Variants in HPS4 observed in about 807,000 individuals in gnomAD.
HPS4 encodes BLOC-3 complex member HPS4.
In HPS4, 44 loss-of-function variants were observed where a neutral mutation model predicts 70.3. The ratio of observed to expected loss-of-function variants is 0.63; its 90% CI spans 0.49 to 0.80. The LOEUF is 0.80. HPS4 is among the 30% of genes least tolerant of loss of function. The probability of loss-of-function intolerance (pLI) is 0.00; values close to 1 mark genes in which losing one functional copy is unlikely to be tolerated. For missense variants in HPS4, 873 were observed against 884.4 expected, an observed-to-expected ratio of 0.99 and a Z score of 0.16; for synonymous variants, 377 against 355.9, an observed-to-expected ratio of 1.06 and a Z score of -0.67.
In HPS4 at chr22:26,464,360, T is replaced by G. The variant is rs777094703; in HGVS notation, c.1270A>C (p.Ser424Arg). ...TCAGGAGCAGAGGGAGGGCGCAAGC[T>G]GCTGATGGCTGTGTCCTCAGGAGGC... ...PTPPEDTAIS[S>R]LRPPSAPEML... The change falls in exon 11 of 14, where the codon AGC becomes CGC. Residue 424 changes from serine (S) to arginine (R), a missense_variant. By Grantham distance (110) the Ser-to-Arg change is moderately radical (BLOSUM62 -1). Transcript: ENST00000398145. 8 of 1,614,190 alleles carry G rather than the reference T, an allele frequency of 5.0e-6. No individual in the cohort carries two copies. Among genetic ancestry groups the G allele is most frequent in the Non-Finnish European group, 6.8e-6 (8 of 1,180,048 alleles).
intron 11 of HPS4, among the ~76,000 whole-genome samples, chr22:26,463,695 A>G (rs1038980874): frequency 6.6e-6 from 1 of 152,196 alleles, no homozygotes; most frequent in Non-Finnish European, 1.5e-5. Flanking sequence ...TTGGATGCCA[A>G]TGCACCACCA....
Position 26,464,353 on chromosome 22 carries a change from C to T in HPS4, c.1277G>A (p.Arg426His), listed in dbSNP as rs747080557. The change falls in exon 11 of 14, where the codon CGC becomes CAC. Residue 426 changes from arginine (R) to histidine (H), a missense_variant. Physicochemically the swap from Arg to His is conservative, Grantham distance 29. Transcript: ENST00000398145. ...CAGCATCTCAGGAGCAGAGGGAGGG[C>T]GCAAGCTGCTGATGGCTGTGTCCTC... Reference protein sequence around the residue: ...PPEDTAISSLRPPSAPEMLTQ... With the variant: ...PPEDTAISSLHPPSAPEMLTQ... 4.3e-6 allele frequency: 7 copies of T among 1,614,020 alleles called. No homozygotes were observed. The South Asian group carries it at 6.6e-5, about 15-fold the overall frequency.
At chr22:26,478,836 A>C (rs1320624276) in intron 3 of HPS4, among the ~76,000 whole-genome samples, 1 of 152,008 alleles carries the variant, frequency 6.6e-6, no homozygotes, top group Non-Finnish European at 1.5e-5. Context: ...GGAGCGTGCC[A>C]CCACGCCCAG....
chr22:26,464,529 G>C lies in HPS4; in HGVS notation c.1101C>G (p.Leu367=). Residue 367 remains leucine (L), a synonymous_variant, in exon 11 of 14, where the codon CTC becomes CTG. Coordinates refer to ENST00000398145, the MANE Select transcript of HPS4 (RefSeq NM_022081.6). ...CTGGAATGTGGATTTCAGACAAGTC[G>C]AGTTCTTCTTGGAGAAAGACTAGTT... ...GKELVFLQEE[L]DLSEIHIPEA... 2.5e-6 allele frequency: 4 copies of C among 1,614,170 alleles called. No homozygotes were observed. The highest frequency in any genetic ancestry group is 2.5e-6 in the Non-Finnish European group (3 of 1,180,032).
Position 26,477,215 on chromosome 22 carries a change from C to A in HPS4, c.133-79G>T, listed in dbSNP as rs1248973856. On this transcript the variant is annotated intron_variant, in intron 3 of 13. Transcript: ENST00000398145. Reference sequence around the variant, plus strand: ...GTCATTTCTTACAGCATACTAAAGCCTGCAAGCCAAATCCAGTCTGTTACC... The same window carrying A: ...GTCATTTCTTACAGCATACTAAAGCATGCAAGCCAAATCCAGTCTGTTACC... The A allele has an allele frequency of 4.0e-6, 6 of 1,495,384 alleles. No homozygotes were observed. In the African/African-American group the frequency reaches 8.3e-5, roughly 21 times the overall value. The allele number at this position is 1,495,384 out of a possible 1,614,324, so 92.6% of individuals were successfully genotyped here.
Position 26,464,724 on chromosome 22 carries a change from T to C in HPS4, c.906A>G (p.Glu302=), listed in dbSNP as rs1417762575. 10 of 1,600,368 alleles carry C rather than the reference T, an allele frequency of 6.2e-6. No individual in the cohort carries two copies. In the South Asian group the frequency reaches 7.8e-5, roughly 13 times the overall value. Residue 302 remains glutamate, a synonymous_variant, in exon 11 of 14, where the codon GAA becomes GAG. Coordinates refer to ENST00000398145, the MANE Select transcript of HPS4 (RefSeq NM_022081.6). ...ALKENATGHV[E]SMAWTTPDPT... is the part of the protein sequence containing the mutation. ...GATCTGGGGTGGTCCAGGCCATGGA[T>C]TCCACATGGCCAGTGGCGTTTTCTT...
chr22:26,457,231 T>A (rs2146338439), intron 13 of HPS4, among the ~76,000 whole-genome samples: 1 of 150,078 alleles, frequency 6.7e-6, no homozygotes, highest in East Asian at 2.0e-4. Flanking sequence ...TTTTTTTTTT[T>A]TCTGAGACGC....
downstream of HPS4, among the ~76,000 whole-genome samples, chr22:26,447,549 C>T (rs1601723201): frequency 1.3e-5 from 2 of 152,212 alleles, no homozygotes; most frequent in South Asian, 4.2e-4. Flanking sequence ...GCTCCATACA[C>T]ATTGTCAGGA....
At position 26,468,268 on chromosome 22, in the gene HPS4, A is replaced by T. The variant is rs138949404; in HGVS notation, c.669+283T>A. ...CTGAAAAGTCTAACATCTCTTTGAC[A>T]TAAAGAGACATCAAATTCTTATGGG... On this transcript the variant is annotated intron_variant, in intron 8 of 13. Coordinates refer to ENST00000398145, the MANE Select transcript of HPS4 (RefSeq NM_022081.6). 104 of 473,644 alleles carry T rather than the reference A, an allele frequency of 2.2e-4. 3 individuals carry two copies. The East Asian group carries it at 4.2e-3, about 19-fold the overall frequency. The allele number at this position is 473,644 out of a possible 1,614,324, so 29.3% of individuals were successfully genotyped here. A position where few individuals can be genotyped will look rare whatever the true frequency, so the allele number is the denominator to read the frequency against.
chr22:26,454,295 T>C (rs2085697566), intron 13 of HPS4, among the ~76,000 whole-genome samples: 1 of 152,248 alleles, frequency 6.6e-6, no homozygotes. Flanking sequence ...CAGATGGTTA[T>C]GAGCATGGAT....
intron 11 of HPS4, among the ~76,000 whole-genome samples, chr22:26,463,213 C>T (rs950974484): frequency 1.3e-5 from 2 of 152,104 alleles, no homozygotes; most frequent in African/African-American, 2.4e-5. Flanking sequence ...AGCCTCTAAG[C>T]GGGGAAGGGG....
At chr22:26,460,946 A>G (rs1337134030) in intron 11 of HPS4, among the ~76,000 whole-genome samples, 1 of 152,262 alleles carries the variant, frequency 6.6e-6, no homozygotes, top group African/African-American at 2.4e-5. Context: ...TTTGTACTGC[A>G]ACAGCAGAGC....
Position 26,464,305 on chromosome 22 carries a change from T to A in HPS4, c.1325A>T (p.Gln442Leu), listed in dbSNP as rs751013277. 1.9e-6 allele frequency: 3 copies of A among 1,614,106 alleles called. No homozygotes were observed. The Admixed American group carries it at 5.0e-5, about 27-fold the overall frequency. The change falls in exon 11 of 14, where the codon CAG (glutamine) becomes CTG (leucine). Residue 442 changes from glutamine (Q) to leucine (L), a missense_variant. Transcript: ENST00000398145. ...EMLTQHGAQE[Q>L]LEDHPGHSSQ... ...GCTATGGCCAGGATGGTCTTCGAGC[T>A]GCTCTTGGGCTCCATGCTGGGTCAG...
At chr22:26,457,342 G>A (rs1333168018) in intron 13 of HPS4, among the ~76,000 whole-genome samples, 3 of 150,984 alleles carry the variant, frequency 2.0e-5, no homozygotes, top group Admixed American at 6.6e-5. Flanking sequence ...TCAGCCTCCT[G>A]AGTAGCTGGG....
At chr22:26,462,817 A>G (rs1403934477) in intron 11 of HPS4, among the ~76,000 whole-genome samples, 1 of 152,146 alleles carries the variant, frequency 6.6e-6, no homozygotes, top group Non-Finnish European at 1.5e-5. Context: ...GCTATGGTGA[A>G]TGGGGATACA....
At chr22:26,457,210 C>CTT (rs1555889771) in intron 13 of HPS4, among the ~76,000 whole-genome samples, 3 of 25,580 alleles carry the variant, frequency 1.2e-4, no homozygotes, top group Non-Finnish European at 2.6e-4. Context: ...GCACGTATTA[C>CTT]TTTTTTTTTT....
At chr22:26,481,643 G>T (rs77795764) in intron 2 of HPS4, 79 bp downstream of exon 2, 22 of 1,295,092 alleles carry the variant, frequency 1.7e-5, no homozygotes, top group Admixed American at 1.7e-4. Flanking sequence ...ACACAATCTG[G>T]CTGGGGATTT....
In HPS4 at chr22:26,451,492, A is replaced by C. The variant is rs949561812; in HGVS notation, c.*1741T>G. The C allele has an allele frequency of 6.6e-6, 1 of 152,196 alleles. No homozygotes were observed. The highest frequency in any genetic ancestry group is 2.4e-5 in the African/African-American group (1 of 41,440). The allele number at this position is 152,196 out of a possible 1,614,324, so 9.4% of individuals were successfully genotyped here. ...CACACCTGCAAAGTGAAGTTTCAGG[A>C]CTTTACTTTTTCTGAGTTAATCCAG... On this transcript the variant is annotated 3_prime_UTR_variant, in exon 14 of 14. Coordinates refer to ENST00000398145, the MANE Select transcript of HPS4 (RefSeq NM_022081.6).
rs1355772426 is a variant in HPS4 at position 26,483,721 on chromosome 22, G to A, written c.-526C>T. On this transcript the variant is annotated 5_prime_UTR_variant, in exon 1 of 14. Coordinates refer to ENST00000398145, the MANE Select transcript of HPS4 (RefSeq NM_022081.6). ...GCTCGGGGTTCGGGACTCTGGACCA[G>A]AAATGTGGGCAGCAGCTGGGTACCT... is the stretch of plus-strand genomic sequence containing the variant. 6 of 437,792 alleles carry A rather than the reference G, an allele frequency of 1.4e-5. No homozygotes were observed. Among genetic ancestry groups the A allele is most frequent in the Non-Finnish European group, 2.3e-5 (6 of 260,656 alleles). 27.1% of individuals were successfully genotyped at this position (437,792 alleles called of 1,614,324 possible).
Sources: allele counts gnomAD v4.1 joint callset (sites outside exome capture counted in the v4.1 genomes callset), GRCh38; gene constraint gnomAD v4.1.1; transcripts MANE v1.5; gene names NCBI Gene and HGNC (gene_info 2026-07-23, HGNC 2026-07-21).